The following HECW2 variants were observed in gnomAD, a reference collection of about 807,000 sequenced individuals.
HECW2 encodes the protein E3 ubiquitin-protein ligase HECW2.
Under a neutral mutation model 175.2 loss-of-function variants are expected in HECW2, and 61 were observed. That is an observed-to-expected ratio of 0.35 (90% CI 0.28 to 0.43). The LOEUF is 0.43. Ranked by LOEUF, HECW2 falls within the 20% of genes least tolerant of loss-of-function variation. HECW2 has a pLI of 1.00. For missense variants in HECW2, 1,524 were observed against 2,000.5 expected (o/e 0.76, Z 4.54); for synonymous variants, 671 against 731.0 (o/e 0.92, Z 1.32).
intron 1 of HECW2, among the ~76,000 whole-genome samples, chr2:196,434,996 T>G (rs1487620040): frequency 3.3e-5 from 5 of 152,242 alleles, no homozygotes; most frequent in Non-Finnish European, 5.9e-5. Context: ...ACAGACACTT[T>G]GGATGAAGAG....
At chr2:196,233,750 T>C (rs749608009) in intron 21 of HECW2, among the ~76,000 whole-genome samples, 1 of 152,130 alleles carries the variant, frequency 6.6e-6, no homozygotes, top group African/African-American at 2.4e-5. Flanking sequence ...ATGTCTCTTT[T>C]TGGAAGAAAA....
intron 28 of HECW2, among the ~76,000 whole-genome samples, chr2:196,203,673 T>G (rs906739940): frequency 6.6e-6 from 1 of 152,216 alleles, no homozygotes; most frequent in Admixed American, 6.5e-5. Context: ...TCATCTCTCT[T>G]GCCCGATTAA....
chr2:196,500,091 A>T (rs1007150984), intron 1 of HECW2, among the ~76,000 whole-genome samples: 6 of 152,118 alleles, frequency 3.9e-5, no homozygotes, highest in African/African-American at 1.4e-4. Flanking sequence ...CTCCTCAAGA[A>T]AAAAAAAGAT....
At chr2:196,385,525 C>G (rs1370621660) in intron 2 of HECW2, among the ~76,000 whole-genome samples, 1 of 152,130 alleles carries the variant, frequency 6.6e-6, no homozygotes, top group Non-Finnish European at 1.5e-5. Flanking sequence ...AAACCTGATA[C>G]CAAAAGCCTC....
intron 2 of HECW2, among the ~76,000 whole-genome samples, chr2:196,374,787 T>C (rs900934410): frequency 2.7e-5 from 4 of 150,278 alleles, no homozygotes; most frequent in African/African-American, 9.8e-5. Context: ...TAAGGTCACC[T>C]CTAGGGGACA....
chr2:196,376,964 A>G (rs1483728147), intron 2 of HECW2, among the ~76,000 whole-genome samples: 1 of 152,186 alleles, frequency 6.6e-6, no homozygotes, highest in Non-Finnish European at 1.5e-5. Flanking sequence ...AAATAAATGA[A>G]TGAATTAATT....
intron 1 of HECW2, among the ~76,000 whole-genome samples, chr2:196,437,602 A>G (rs1239560527): frequency 6.7e-6 from 1 of 148,430 alleles, no homozygotes; most frequent in East Asian, 1.9e-4. Flanking sequence ...ACAGAGTGAG[A>G]CTCTGTCTCA....
At chr2:196,235,950 C>A (rs541201763) in intron 21 of HECW2, among the ~76,000 whole-genome samples, 1 of 152,042 alleles carries the variant, frequency 6.6e-6, no homozygotes, top group Non-Finnish European at 1.5e-5. Context: ...AGCCACTGTG[C>A]CCGGCCGATG....
intron 1 of HECW2, among the ~76,000 whole-genome samples, chr2:196,529,972 C>T (rs1445919340): frequency 6.6e-6 from 1 of 152,182 alleles, no homozygotes; most frequent in Admixed American, 6.5e-5. Flanking sequence ...TTGGCCTACT[C>T]AGTATTCTGT....
At chr2:196,536,519 C>A (rs1689028150) in intron 1 of HECW2, among the ~76,000 whole-genome samples, 1 of 152,160 alleles carries the variant, frequency 6.6e-6, no homozygotes, top group Non-Finnish European at 1.5e-5. Flanking sequence ...TCTGTTCCCA[C>A]CAACCTTAAA....
chr2:196,417,944 C>T (rs2125240148), intron 2 of HECW2, among the ~76,000 whole-genome samples: 1 of 152,260 alleles, frequency 6.6e-6, no homozygotes. Flanking sequence ...ACTTGGATGC[C>T]TTAAAAAGAT....
chr2:196,403,642 T>C (rs1483043188), intron 2 of HECW2, among the ~76,000 whole-genome samples: 1 of 152,208 alleles, frequency 6.6e-6, no homozygotes, highest in Non-Finnish European at 1.5e-5. Context: ...GAAAAAATTC[T>C]AAAGCTTAAA....
chr2:196,353,640 C>A (rs1374389768), intron 2 of HECW2, among the ~76,000 whole-genome samples: 5 of 152,214 alleles, frequency 3.3e-5, no homozygotes, highest in Admixed American at 6.5e-5. Context: ...CCAAAAACAG[C>A]CTGAAGGCTG....
At position 196,515,585 on chromosome 2, in the gene HECW2, T is replaced by C. The variant is rs112403381; in HGVS notation, c.-36+77923A>G. Reference sequence around the variant, plus strand: ...AACAACATGCAACCCTTTCCAACTATAACCCAAAAGGGTATCAAACCCAGA... The same window carrying C: ...AACAACATGCAACCCTTTCCAACTACAACCCAAAAGGGTATCAAACCCAGA... On this transcript the variant is annotated intron_variant, in intron 1 of 28. Transcript: ENST00000644978. 2.9e-3 allele frequency among the ~76,000 whole-genome samples: 448 copies of C among 152,314 alleles called. 1 individual carries two copies. Among genetic ancestry groups the C allele is most frequent in the African/African-American group, 0.01 (424 of 41,558 alleles).
intron 1 of HECW2, among the ~76,000 whole-genome samples, chr2:196,561,386 A>G (rs1234694610): frequency 1.3e-5 from 2 of 152,228 alleles, no homozygotes; most frequent in Non-Finnish European, 2.9e-5. Context: ...ACAGTGGGAC[A>G]TGGAACTTCA....
intron 4 of HECW2, 29 bp downstream of exon 4, chr2:196,334,395 C>T (rs771062293): frequency 1.7e-5 from 27 of 1,548,340 alleles, no homozygotes; most frequent in Middle Eastern, 4.1e-4. Flanking sequence ...ATGGATCTCA[C>T]AAGGAAGCTG....
intron 2 of HECW2, among the ~76,000 whole-genome samples, chr2:196,413,691 C>A (rs1239554203): frequency 6.6e-6 from 1 of 152,140 alleles, no homozygotes; most frequent in African/African-American, 2.4e-5. Flanking sequence ...ATTAGAAGAG[C>A]TCTCTCAATA....
intron 1 of HECW2, among the ~76,000 whole-genome samples, chr2:196,555,068 G>C (rs1689747492): frequency 6.6e-6 from 1 of 152,050 alleles, no homozygotes; most frequent in Middle Eastern, 3.4e-3. Context: ...CTGAGAATAA[G>C]GATAAATATG....
At chr2:196,243,585 T>C (rs74264958) in intron 19 of HECW2, among the ~76,000 whole-genome samples, 31,679 of 152,008 alleles carry the variant, frequency 0.21, 4,048 homozygotes, top group East Asian at 0.44. Flanking sequence ...ATTGTTTCTC[T>C]TTCCTTTTTT....
Sources: allele counts gnomAD v4.1 joint callset (sites outside exome capture counted in the v4.1 genomes callset), GRCh38; gene constraint gnomAD v4.1.1; transcripts MANE v1.5; gene names NCBI Gene and HGNC (gene_info 2026-07-23, HGNC 2026-07-21).